The following CDKN2C variants were observed in gnomAD, a reference collection of about 807,000 sequenced individuals.
The protein encoded by CDKN2C is cyclin-dependent kinase 4 inhibitor C.
In CDKN2C, 5 loss-of-function variants were observed where a neutral mutation model predicts 11.0. That is an observed-to-expected ratio of 0.45 (90% CI 0.24 to 0.95). CDKN2C has a LOEUF of 0.95. Among genes scored for constraint, CDKN2C ranks in the 40% least tolerant of loss-of-function variants. CDKN2C has a pLI of 0.21. For missense variants in CDKN2C, 161 were observed against 211.9 expected (o/e 0.76, Z 1.49); for synonymous variants, 79 against 88.3 (o/e 0.89, Z 0.59).
chr1:50,974,141 G>T lies in CDKN2C; in HGVS notation c.378G>T (p.Thr126=). ...TGGTGGAGTTCCTGGTGAAGCACAC[G>T]GCCAGCAATGTGGGGCATCGGAACC... ...LRVVEFLVKH[T]ASNVGHRNHK... The change falls in exon 2 of 2, where the codon ACG becomes ACT. Residue 126 remains threonine (T), a synonymous_variant. Coordinates refer to ENST00000371761, the MANE Select transcript of CDKN2C (RefSeq NM_078626.3). 1.2e-6 allele frequency: 2 copies of T among 1,614,174 alleles called. No homozygotes were observed. The highest frequency in any genetic ancestry group is 1.7e-6 in the Non-Finnish European group (2 of 1,180,024).
intron 1 of CDKN2C, among the ~76,000 whole-genome samples, chr1:50,965,057 T>TATAC (rs1553155132): frequency 6.8e-6 from 1 of 147,208 alleles, no homozygotes; most frequent in Non-Finnish European, 1.5e-5. Context: ...GTCTCAAAAA[T>TATAC]ATAGATAGAT....
intron 1 of CDKN2C, among the ~76,000 whole-genome samples, chr1:50,970,863 A>G (rs1215480604): frequency 6.6e-6 from 1 of 152,220 alleles, no homozygotes; most frequent in Non-Finnish European, 1.5e-5. Context: ...TGAAGTAAAT[A>G]CACTGCTATT....
intron 1 of CDKN2C, among the ~76,000 whole-genome samples, chr1:50,972,419 T>C (rs945823036): frequency 1.3e-5 from 2 of 152,144 alleles, no homozygotes; most frequent in African/African-American, 2.4e-5. Flanking sequence ...TTACTCATTT[T>C]AAATATATTT....
chr1:50,961,640 T>G (rs1166191943), intron 1 of CDKN2C, among the ~76,000 whole-genome samples: 2 of 152,220 alleles, frequency 1.3e-5, no homozygotes, highest in Non-Finnish European at 2.9e-5. Flanking sequence ...AAATAACTAG[T>G]GAAATCATCA....
At chr1:50,964,114 G>A (rs1027564049) in intron 1 of CDKN2C, among the ~76,000 whole-genome samples, 11 of 151,956 alleles carry the variant, frequency 7.2e-5, no homozygotes, top group African/African-American at 2.7e-4. Context: ...TATTTAACAT[G>A]GTACATCTAT....
chr1:50,966,143 A>G (rs1188566932), upstream of CDKN2C, among the ~76,000 whole-genome samples: 1 of 151,416 alleles, frequency 6.6e-6, no homozygotes, highest in Non-Finnish European at 1.5e-5. Context: ...GGTTCAAGCA[A>G]TCCTCCTGCC....
upstream of CDKN2C, among the ~76,000 whole-genome samples, chr1:50,966,945 CAA>C (rs1249364517): frequency 6.6e-6 from 1 of 152,134 alleles, no homozygotes; most frequent in Non-Finnish European, 1.5e-5. Flanking sequence ...AATCTTAATA[CAA>C]CTCTGTGTAC....
chr1:50,970,124 A>G, upstream of CDKN2C: 1 of 553,960 alleles, frequency 1.8e-6, no homozygotes, highest in South Asian at 2.0e-5. Context: ...GGGTTAAGCT[A>G]AAAAAGCGAG....
At chr1:50,965,727 A>G (rs2124775938), upstream of CDKN2C, among the ~76,000 whole-genome samples, 1 of 152,172 alleles carries the variant, frequency 6.6e-6, no homozygotes. Context: ...AAATAAAATA[A>G]AATAAAAATA....
At chr1:50,973,808 A>G (rs903065495) in intron 1 of CDKN2C, 85 bp from the exon 2 acceptor site, 2 of 1,506,236 alleles carry the variant, frequency 1.3e-6, no homozygotes, top group Non-Finnish European at 1.8e-6. Context: ...AAATAGTTAC[A>G]TAAATGGAAG....
chr1:50,973,891 A>C lies in CDKN2C; in HGVS notation c.130-2A>C. On this transcript the variant is annotated splice_acceptor_variant, in intron 1 of 1. Coordinates refer to ENST00000371761, the MANE Select transcript of CDKN2C (RefSeq NM_078626.3). LOFTEE classifies it high-confidence loss of function. ...ATTCTACCATTTCTACTTCTTTTCC[A>C]GGTTATGAAACTTGGAAATCCCGAG... The C allele has an allele frequency of 6.2e-7, 1 of 1,614,116 alleles. No homozygotes were observed. The highest frequency in any genetic ancestry group is 8.5e-7 in the Non-Finnish European group (1 of 1,179,968).
intron 1 of CDKN2C, among the ~76,000 whole-genome samples, chr1:50,972,296 A>G (rs1457826446): frequency 6.6e-6 from 1 of 152,142 alleles, no homozygotes; most frequent in Admixed American, 6.5e-5. Flanking sequence ...CTTGAAATAT[A>G]AATTATGTAT....
chr1:50,969,977 T>A, upstream of CDKN2C: 1 of 312,352 alleles, frequency 3.2e-6, no homozygotes, highest in Admixed American at 4.6e-5. This position sits in a 1 kb window ranked among gnomAD's most constrained non-coding sequence, Gnocchi z 6.6. Flanking sequence ...GTCCCTTGAG[T>A]CTCCACACAC....
upstream of CDKN2C, chr1:50,969,928 A>G: frequency 5.6e-5 from 13 of 231,086 alleles, no homozygotes; most frequent in Admixed American, 1.0e-4. The surrounding 1 kb of genome is among the most constrained non-coding windows in gnomAD (Gnocchi z 6.6). Flanking sequence ...TTCCCCCTGA[A>G]TGTCTTTCCT....
At chr1:50,973,819 G>A in intron 1 of CDKN2C, 74 bp from the exon 2 acceptor site, 1 of 1,535,112 alleles carries the variant, frequency 6.5e-7, no homozygotes. Context: ...TAAATGGAAG[G>A]ACAGGCAGAT....
At chr1:50,967,519 C>G (rs1645352967), upstream of CDKN2C, among the ~76,000 whole-genome samples, 1 of 152,162 alleles carries the variant, frequency 6.6e-6, no homozygotes, top group Non-Finnish European at 1.5e-5. Flanking sequence ...GCTAATACTC[C>G]CAGTGTACTT....
At chr1:50,970,111 T>C (rs3176454), upstream of CDKN2C, 124 of 535,708 alleles carry the variant, frequency 2.3e-4, no homozygotes, top group East Asian at 3.4e-3. Context: ...GAATTCTTCA[T>C]AGGGGTTAAG....
At chr1:50,967,658 A>G (rs1645353935), upstream of CDKN2C, among the ~76,000 whole-genome samples, 1 of 152,228 alleles carries the variant, frequency 6.6e-6, no homozygotes, top group Non-Finnish European at 1.5e-5. Flanking sequence ...TATTTTTAAG[A>G]GTATAAAAAT....
chr1:50,961,395 C>T (rs537511789), intron 1 of CDKN2C, among the ~76,000 whole-genome samples: 2 of 152,128 alleles, frequency 1.3e-5, no homozygotes, highest in African/African-American at 4.8e-5. Flanking sequence ...AAGTTTCAAC[C>T]CATGGTCAGA....
Sources: allele counts gnomAD v4.1 joint callset (sites outside exome capture counted in the v4.1 genomes callset), GRCh38; gene constraint gnomAD v4.1.1; non-coding constraint Gnocchi (gnomAD v3.1); transcripts MANE v1.5; gene names NCBI Gene and HGNC (gene_info 2026-07-23, HGNC 2026-07-21).